LAMA2: variants seen among roughly 807,000 people sequenced by gnomAD.
LAMA2 encodes laminin subunit alpha 2.
Under a neutral mutation model 364.8 loss-of-function variants are expected in LAMA2, and 269 were observed. The observed-to-expected ratio is 0.74, with a 90% confidence interval of 0.67 to 0.82. LAMA2 has a LOEUF of 0.82. Among genes scored for constraint, LAMA2 ranks in the 40% least tolerant of loss-of-function variants. LAMA2 has a pLI of 0.00. For synonymous variants in LAMA2, 1,379 were observed against 1,370.6 expected, an observed-to-expected ratio of 1.01 and a Z score of -0.14; for missense variants, 3,807 against 3,873.2, an observed-to-expected ratio of 0.98 and a Z score of 0.45.
chr6:129,163,981 C>T (rs556275849), intron 8 of LAMA2, among the ~76,000 whole-genome samples: 1 of 152,254 alleles, frequency 6.6e-6, no homozygotes, highest in South Asian at 2.1e-4. Context: ...TCCTTGTATG[C>T]TAATTTCAAT....
chr6:128,900,412 A>C (rs1777016702), intron 1 of LAMA2, among the ~76,000 whole-genome samples: 1 of 152,206 alleles, frequency 6.6e-6, no homozygotes. Context: ...GGCACCTAGC[A>C]TGGTCACAGT....
At chr6:129,068,655 A>G (rs1450764161) in intron 3 of LAMA2, among the ~76,000 whole-genome samples, 2 of 152,228 alleles carry the variant, frequency 1.3e-5, no homozygotes, top group African/African-American at 2.4e-5. Flanking sequence ...CATTCAGTCT[A>G]TAGAAAGCGT....
chr6:129,206,779 G>A (rs946424753), intron 12 of LAMA2, among the ~76,000 whole-genome samples: 2 of 152,084 alleles, frequency 1.3e-5, no homozygotes, highest in African/African-American at 4.8e-5. Flanking sequence ...CCAACATTTG[G>A]CACACTGAAA....
At chr6:129,237,712 T>C (rs981498240) in intron 12 of LAMA2, among the ~76,000 whole-genome samples, 2 of 152,154 alleles carry the variant, frequency 1.3e-5, no homozygotes, top group Non-Finnish European at 2.9e-5. Context: ...TCAAAGTATA[T>C]ATGCATTTAT....
rs527992787 is a variant in LAMA2 at position 128,987,129 on chromosome 6, T to G, written c.113-62789T>G. On this transcript the variant is annotated intron_variant, in intron 1 of 64. Coordinates refer to ENST00000421865, the MANE Select transcript of LAMA2 (RefSeq NM_000426.4). ...CATTGCATCTTTAGGATAGTTTGTT[T>G]TTTTTTTTTTGTTTTTTTTTTTTTT... Among the ~76,000 whole-genome samples, 106 of 104,650 alleles carry G rather than the reference T, an allele frequency of 1.0e-3. 2 individuals carry two copies. The South Asian group carries it at 0.028, about 28-fold the overall frequency. The allele number at this position is 104,650 out of a possible 152,430, so 68.7% of individuals were successfully genotyped here. A position where few individuals can be genotyped will look rare whatever the true frequency, so the allele number is the denominator to read the frequency against.
chr6:129,177,610 C>T (rs1263777092), intron 9 of LAMA2, 96 bp from the exon 10 acceptor site: 1 of 1,258,496 alleles, frequency 7.9e-7, no homozygotes. Context: ...ATTTTTGTGT[C>T]AAAATAGCAT....
chr6:128,937,629 G>A (rs1221417482), intron 1 of LAMA2, among the ~76,000 whole-genome samples: 1 of 151,288 alleles, frequency 6.6e-6, no homozygotes, highest in Non-Finnish European at 1.5e-5. Flanking sequence ...TTTTATTTCT[G>A]TTGCAATGTC....
At chr6:129,277,925 G>T (rs1245120265) in intron 17 of LAMA2, among the ~76,000 whole-genome samples, 1 of 152,142 alleles carries the variant, frequency 6.6e-6, no homozygotes, top group Admixed American at 6.5e-5. Flanking sequence ...GTCAAGGCCA[G>T]GTGCAATGGC....
chr6:129,144,991 C>T (rs974981155), intron 5 of LAMA2, among the ~76,000 whole-genome samples: 1 of 151,930 alleles, frequency 6.6e-6, no homozygotes, highest in Non-Finnish European at 1.5e-5. Context: ...TGCTGCTACA[C>T]AACCAAGGCA....
chr6:129,044,322 T>A (rs1224904081), intron 1 of LAMA2, among the ~76,000 whole-genome samples: 1 of 152,156 alleles, frequency 6.6e-6, no homozygotes, highest in Non-Finnish European at 1.5e-5. Context: ...TTTAAAATGT[T>A]TCTGCCATTT....
chr6:129,153,467 T>C (rs1209757112), intron 7 of LAMA2, among the ~76,000 whole-genome samples: 1 of 152,224 alleles, frequency 6.6e-6, no homozygotes, highest in Non-Finnish European at 1.5e-5. Context: ...TTTGTCTTAA[T>C]TCCTTGGCAC....
rs1554315373 is a variant in LAMA2 at position 129,503,281 on chromosome 6, G to A, written c.8547+1G>A. The A allele has an allele frequency of 1.9e-6, 3 of 1,612,546 alleles. No individual in the cohort carries two copies. The highest frequency in any genetic ancestry group is 3.3e-5 in the Admixed American group (2 of 59,994). ...AATCAATGATGGCCAGTGGCACAAG[G>A]TAATAGTCCCCTGGATATTGGCAGT... On this transcript the variant is annotated splice_donor_variant, in intron 60 of 64. Transcript: ENST00000421865. LOFTEE classifies it high-confidence loss of function.
intron 12 of LAMA2, among the ~76,000 whole-genome samples, chr6:129,223,294 C>T (rs554778589): frequency 5.9e-5 from 9 of 152,092 alleles, no homozygotes; most frequent in Admixed American, 2.0e-4. Flanking sequence ...CTGTAGGTTG[C>T]CTGTTCACTC....
intron 3 of LAMA2, among the ~76,000 whole-genome samples, chr6:129,063,394 C>A (rs1348052700): frequency 1.3e-5 from 2 of 152,134 alleles, no homozygotes; most frequent in African/African-American, 2.4e-5. Context: ...TACCAGATTT[C>A]ACCAGAATAT....
chr6:129,256,994 A>C (rs1026352727), intron 14 of LAMA2, among the ~76,000 whole-genome samples: 5 of 151,604 alleles, frequency 3.3e-5, no homozygotes, highest in Non-Finnish European at 7.4e-5. Context: ...TATTATTCAT[A>C]GTGGCTTGTA....
intron 21 of LAMA2, among the ~76,000 whole-genome samples, chr6:129,299,417 C>CATT (rs987895498): frequency 4.6e-4 from 70 of 152,028 alleles, no homozygotes; most frequent in African/African-American, 1.6e-3. Flanking sequence ...AAGCATTTAT[C>CATT]ATTATTATTA....
At chr6:129,292,612 A>T (rs1356643817) in intron 20 of LAMA2, among the ~76,000 whole-genome samples, 1 of 152,192 alleles carries the variant, frequency 6.6e-6, no homozygotes, top group Non-Finnish European at 1.5e-5. Context: ...ATGAGGGTGG[A>T]CAGATTTGCT....
intron 3 of LAMA2, among the ~76,000 whole-genome samples, chr6:129,082,135 A>G (rs1401734396): frequency 6.6e-6 from 1 of 152,152 alleles, no homozygotes; most frequent in Non-Finnish European, 1.5e-5. Context: ...GTAGGACTAT[A>G]TAAGTTATTG....
intron 2 of LAMA2, among the ~76,000 whole-genome samples, chr6:129,051,882 C>G (rs1177898895): frequency 6.6e-6 from 1 of 151,528 alleles, no homozygotes. Flanking sequence ...GGGGCATGAA[C>G]GGAGTTGTGG....
Sources: allele counts gnomAD v4.1 joint callset (sites outside exome capture counted in the v4.1 genomes callset), GRCh38; gene constraint gnomAD v4.1.1; transcripts MANE v1.5; gene names NCBI Gene and HGNC (gene_info 2026-07-23, HGNC 2026-07-21).